DNAH9: variants seen among roughly 807,000 people sequenced by gnomAD.
The protein encoded by DNAH9 is DNAH9 variant protein.
In DNAH9, 345 loss-of-function variants were observed where a neutral mutation model predicts 471.6. The observed-to-expected ratio is 0.73, with a 90% CI of 0.67 to 0.80. The LOEUF (loss-of-function observed/expected upper bound fraction) is 0.80. DNAH9 is among the 30% of genes least tolerant of loss of function. DNAH9 has a pLI of 0.00. For synonymous variants in DNAH9, 2,093 were observed against 2,123.6 expected, an observed-to-expected ratio of 0.99 and a Z score of 0.40; for missense variants, 5,407 against 5,609.2, an observed-to-expected ratio of 0.96 and a Z score of 1.15.
intron 48 of DNAH9, among the ~76,000 whole-genome samples, chr17:11,831,735 C>T (rs1970691327): frequency 6.6e-6 from 1 of 152,198 alleles, no homozygotes; most frequent in Admixed American, 6.5e-5. Flanking sequence ...TCTTCTAGTT[C>T]CTTCTCAGTT....
At position 11,942,373 on chromosome 17, in the gene DNAH9, A is replaced by C. The variant is rs1276740873; in HGVS notation, c.12731A>C (p.Lys4244Thr). 6 of 1,614,184 alleles carry C rather than the reference A, an allele frequency of 3.7e-6. 1 individual carries two copies. The South Asian group carries it at 6.6e-5, about 18-fold the overall frequency. ...DEFNIPELMA[K>T]VEERTPYIVV... ...TTTAACATCCCAGAACTGATGGCCA[A>C]AGTGGAGGAGCGCACCCCTTACATT... Residue 4244 changes from lysine (K) to threonine (T), a missense_variant, in exon 67 of 69, where the codon AAA becomes ACA. This residue lies in a region of DNAH9 where 4,636 missense variants were observed against 4,900.3 expected (regional missense o/e 0.95). Coordinates refer to ENST00000262442, the MANE Select transcript of DNAH9 (RefSeq NM_001372.4).
intron 48 of DNAH9, among the ~76,000 whole-genome samples, chr17:11,827,685 TTC>T (rs1363164574): frequency 1.0e-5 from 1 of 98,990 alleles, no homozygotes; most frequent in Non-Finnish European, 2.3e-5. Flanking sequence ...TCATCCTTGG[TTC>T]TTTTTTTTTT....
intron 60 of DNAH9, among the ~76,000 whole-genome samples, chr17:11,904,083 A>G (rs896899323): frequency 1.3e-5 from 2 of 152,178 alleles, no homozygotes; most frequent in South Asian, 2.1e-4. Context: ...CCTAACATTT[A>G]AGAAGTTTCC....
chr17:11,624,056 G>T (rs1177676503), intron 6 of DNAH9, among the ~76,000 whole-genome samples: 1 of 152,104 alleles, frequency 6.6e-6, no homozygotes, highest in African/African-American at 2.4e-5. Flanking sequence ...TGCATTTTCA[G>T]GATACCACCA....
chr17:11,653,296 A>C (rs1274123401), intron 14 of DNAH9, among the ~76,000 whole-genome samples: 1 of 152,230 alleles, frequency 6.6e-6, no homozygotes, highest in African/African-American at 2.4e-5. Context: ...TGACAAGGGC[A>C]AAATTCCAAA....
intron 11 of DNAH9, 99 bp downstream of exon 11, chr17:11,644,798 G>C (rs983459858): frequency 2.4e-6 from 2 of 817,660 alleles, no homozygotes; most frequent in Non-Finnish European, 4.0e-6. Flanking sequence ...TGGCTCCGAA[G>C]TATCACTCTA....
chr17:11,722,276 GACTGAAAGCC>G (rs1340305220), intron 27 of DNAH9, among the ~76,000 whole-genome samples: 3 of 152,178 alleles, frequency 2.0e-5, no homozygotes, highest in Non-Finnish European at 2.9e-5. Flanking sequence ...GGAGGGGAAG[GACTGAAAGCC>G]ACTGAAAGCA....
rs555890620 is a variant in DNAH9 at position 11,733,989 on chromosome 17, T to C, written c.5815-4891T>C. 1.3e-4 allele frequency among the ~76,000 whole-genome samples: 20 copies of C among 152,194 alleles called. No individual in the cohort carries two copies. The South Asian group carries it at 4.1e-3, about 32-fold the overall frequency. On this transcript the variant is annotated intron_variant, in intron 28 of 68. Transcript: ENST00000262442. ...GAAAAAGACAGTAAAACCATCTGGC[T>C]GAGGGGCAATTGTGGGCCATGAAAC...
chr17:11,957,568 G>GAA (rs796811713), intron 67 of DNAH9, among the ~76,000 whole-genome samples: 4 of 99,178 alleles, frequency 4.0e-5, no homozygotes, highest in Non-Finnish European at 8.9e-5. Context: ...CAGAATGGGA[G>GAA]AAAAAAAAAA....
rs1326747682 is a variant in DNAH9, at chr17:11,705,005, C to T, written c.5392-20C>T. ...CTGCTGCCTATGATTCACCCACCTA[C>T]TCTACCACTCTCTCTTTAGGTAGAC... On this transcript the variant is annotated intron_variant, in intron 25 of 68. Transcript: ENST00000262442. 1.2e-6 allele frequency: 2 copies of T among 1,610,776 alleles called. No homozygotes were observed. Among genetic ancestry groups the T allele is most frequent in the Non-Finnish European group, 1.7e-6 (2 of 1,177,178 alleles).
chr17:11,732,034 A>G (rs1387489555), intron 28 of DNAH9, among the ~76,000 whole-genome samples: 2 of 152,082 alleles, frequency 1.3e-5, no homozygotes, highest in African/African-American at 4.8e-5. Flanking sequence ...TATGCCCTTC[A>G]CTCCTTCTGA....
chr17:11,653,105 T>C (rs887466462), intron 14 of DNAH9, 103 bp downstream of exon 14: 1 of 1,234,232 alleles, frequency 8.1e-7, no homozygotes, highest in African/African-American at 1.5e-5. Flanking sequence ...AAGTGCAGTG[T>C]CTTCCGAAGA....
chr17:11,715,520 A>C (rs1304968177), intron 26 of DNAH9, among the ~76,000 whole-genome samples: 1 of 152,192 alleles, frequency 6.6e-6, no homozygotes, highest in Non-Finnish European at 1.5e-5. Context: ...GGAGCACCTG[A>C]CATGGTGAAA....
At chr17:11,933,189 C>T (rs1416244798) in intron 64 of DNAH9, among the ~76,000 whole-genome samples, 1 of 152,104 alleles carries the variant, frequency 6.6e-6, no homozygotes, top group Non-Finnish European at 1.5e-5. Flanking sequence ...TCATTAAAGG[C>T]AGAAAATTAG....
chr17:11,898,126 C>T (rs9907234), intron 59 of DNAH9, among the ~76,000 whole-genome samples: 98,282 of 150,468 alleles, frequency 0.65, 33,205 homozygotes, highest in Middle Eastern at 0.77. Context: ...TCTTTCTTTT[C>T]CTTTTCTTTT....
intron 48 of DNAH9, among the ~76,000 whole-genome samples, chr17:11,832,788 C>T (rs926467838): frequency 6.6e-6 from 1 of 152,098 alleles, no homozygotes; most frequent in Non-Finnish European, 1.5e-5. Flanking sequence ...TTGGTTGTTG[C>T]GTGAAATAGA....
In DNAH9 at chr17:11,669,391, G is replaced by C. The variant is rs1178575077; in HGVS notation, c.2950G>C (p.Asp984His). The change falls in exon 17 of 69, where the codon GAT (aspartate) becomes CAT (histidine). Residue 984 changes from aspartate to histidine, a missense_variant. Coordinates refer to ENST00000262442, the MANE Select transcript of DNAH9 (RefSeq NM_001372.4). ...CCAGGTCGACCTGGACGGTATACCA[G>C]ATTTGGCAAACATGCGGCGCACACT... Reference protein sequence around the residue: ...HYQVDLDGIPDLANMRRTLME... With the variant: ...HYQVDLDGIPHLANMRRTLME... 6.2e-7 allele frequency: 1 copy of C among 1,613,342 alleles called. No individual in the cohort carries two copies. Among genetic ancestry groups the C allele is most frequent in the Non-Finnish European group, 8.5e-7 (1 of 1,179,538 alleles).
intron 10 of DNAH9, among the ~76,000 whole-genome samples, chr17:11,643,564 A>G (rs2073319565): frequency 6.6e-6 from 1 of 152,230 alleles, no homozygotes; most frequent in Non-Finnish European, 1.5e-5. Context: ...CAATTTCATC[A>G]TTATGTGAAC....
chr17:11,641,909 G>C (rs1222824044), intron 10 of DNAH9, among the ~76,000 whole-genome samples: 2 of 152,132 alleles, frequency 1.3e-5, no homozygotes, highest in Admixed American at 1.3e-4. Context: ...GTTGCAATGG[G>C]GGTCTCAGCT....
Sources: allele counts gnomAD v4.1 joint callset (sites outside exome capture counted in the v4.1 genomes callset), GRCh38; gene constraint gnomAD v4.1.1; regional missense constraint gnomAD v4.1.1; transcripts MANE v1.5; gene names NCBI Gene and HGNC (gene_info 2026-07-23, HGNC 2026-07-21).